Variants in VRK1 observed in about 807,000 individuals in gnomAD.
The protein encoded by VRK1 is VRK serine/threonine kinase 1.
VRK1 carries 33 observed loss-of-function variants against 57.1 expected under a neutral mutation model. That is an observed-to-expected ratio of 0.58 (90% CI 0.44 to 0.77). VRK1 has a LOEUF of 0.77. Ranked by LOEUF, VRK1 falls within the 30% of genes least tolerant of loss-of-function variation. The probability of loss-of-function intolerance (pLI) is 0.00; values close to 1 mark genes in which losing one functional copy is unlikely to be tolerated. For missense variants in VRK1, 413 were observed against 477.3 expected (o/e 0.87, Z 1.25); for synonymous variants, 137 against 147.8 (o/e 0.93, Z 0.53).
intron 12 of VRK1, among the ~76,000 whole-genome samples, chr14:96,878,775 A>G (rs1298671671): frequency 6.6e-6 from 1 of 152,178 alleles, no homozygotes; most frequent in East Asian, 1.9e-4. Flanking sequence ...TTACCAGTTG[A>G]GAAAATTTGG....
intron 10 of VRK1, among the ~76,000 whole-genome samples, chr14:96,857,859 C>T (rs900003308): frequency 2.0e-5 from 3 of 152,134 alleles, no homozygotes; most frequent in Admixed American, 2.0e-4. Context: ...GTAGCCTCTC[C>T]CTCCTGGCCG....
chr14:96,865,697 TCTG>T (rs984443068), intron 11 of VRK1, among the ~76,000 whole-genome samples: 1 of 152,130 alleles, frequency 6.6e-6, no homozygotes, highest in Non-Finnish European at 1.5e-5. Context: ...TTTGTAGTCT[TCTG>T]TGTCTGTAGA....
At chr14:96,872,613 C>T (rs1595689344) in intron 11 of VRK1, among the ~76,000 whole-genome samples, 2 of 152,148 alleles carry the variant, frequency 1.3e-5, no homozygotes, top group Admixed American at 1.3e-4. Flanking sequence ...AAGGAAATTG[C>T]AATAAGAATA....
At chr14:96,856,013 T>C in intron 8 of VRK1, 117 bp from the exon 9 acceptor site, 1 of 1,275,934 alleles carries the variant, frequency 7.8e-7, no homozygotes, top group Non-Finnish European at 1.1e-6. Flanking sequence ...GTCAAAATTT[T>C]ATGATGAAAA....
At chr14:96,848,972 T>G (rs1392295053) in intron 5 of VRK1, among the ~76,000 whole-genome samples, 1 of 152,186 alleles carries the variant, frequency 6.6e-6, no homozygotes, top group African/African-American at 2.4e-5. Flanking sequence ...AGGATAGACT[T>G]TTATTCTACT....
In VRK1 at chr14:96,856,892, C is replaced by T. The variant is rs112385769; in HGVS notation, c.889+306C>T. Reference sequence around the variant, plus strand: ...CTGAGGCAGGAGAATCGCTTGAACCCGGGAGGCGGAGGTTGCAGTGAGCCG... The same window carrying T: ...CTGAGGCAGGAGAATCGCTTGAACCTGGGAGGCGGAGGTTGCAGTGAGCCG... On this transcript the variant is annotated intron_variant, in intron 10 of 12. Transcript: ENST00000216639. 0.083 allele frequency among the ~76,000 whole-genome samples: 12,593 copies of T among 151,988 alleles called. 683 individuals carry two copies. The highest frequency in any genetic ancestry group is 0.13 in the Non-Finnish European group (8,591 of 67,944).
intron 1 of VRK1, among the ~76,000 whole-genome samples, chr14:96,805,105 A>G (rs1885818778): frequency 6.6e-6 from 1 of 152,226 alleles, no homozygotes; most frequent in African/African-American, 2.4e-5. Context: ...TAATGGGATC[A>G]GATTTATTTA....
At chr14:96,846,031 G>A in intron 3 of VRK1, 64 bp from the exon 4 acceptor site, 1 of 1,404,280 alleles carries the variant, frequency 7.1e-7, no homozygotes, top group South Asian at 1.2e-5. Context: ...TTTTTTGAAG[G>A]TTCATTGAAA....
rs1888014801 is a variant in VRK1 at position 96,853,077 on chromosome 14, G to A, written c.487G>A (p.Asp163Asn). The A allele has an allele frequency of 6.2e-7, 1 of 1,613,706 alleles. No individual in the cohort carries two copies. Among genetic ancestry groups the A allele is most frequent in the Non-Finnish European group, 8.5e-7 (1 of 1,179,744 alleles). Residue 163 changes from aspartate to asparagine, a missense_variant, in exon 7 of 13, where the codon GAT becomes AAT. Transcript: ENST00000216639. ...ATTCTGTATGATACTTTCATAGCTG[G>A]ATATTCTGGAATATATTCACGAGCA... ...TVLQLSLRILDILEYIHEHEY... is the reference protein window; with the variant it reads ...TVLQLSLRILNILEYIHEHEY...
chr14:96,869,344 G>A (rs1393326856), intron 11 of VRK1, among the ~76,000 whole-genome samples: 7 of 152,094 alleles, frequency 4.6e-5, no homozygotes. Context: ...GTTTTCATTT[G>A]AATCTGTTTT....
At chr14:96,802,034 T>G (rs1161299918) in intron 1 of VRK1, among the ~76,000 whole-genome samples, 2 of 152,226 alleles carry the variant, frequency 1.3e-5, no homozygotes, top group African/African-American at 4.8e-5. Context: ...AAAAAAGTTT[T>G]AAAATTCATT....
intron 1 of VRK1, among the ~76,000 whole-genome samples, chr14:96,800,689 C>T (rs749976423): frequency 1.3e-5 from 2 of 152,042 alleles, no homozygotes; most frequent in Non-Finnish European, 2.9e-5. Context: ...TCCTATCTCT[C>T]TATGGGTTTC....
chr14:96,843,311 C>T (rs1051124432), intron 3 of VRK1, among the ~76,000 whole-genome samples: 1 of 152,172 alleles, frequency 6.6e-6, no homozygotes, highest in Non-Finnish European at 1.5e-5. Flanking sequence ...GAACTAGAGG[C>T]AGAGGTCAGG....
At chr14:96,822,380 G>C (rs1003631037) in intron 1 of VRK1, among the ~76,000 whole-genome samples, 1 of 151,492 alleles carries the variant, frequency 6.6e-6, no homozygotes. Context: ...GCATGGTAAA[G>C]TTTTTGTATT....
chr14:96,849,546 A>C (rs948716312), intron 5 of VRK1, among the ~76,000 whole-genome samples: 1 of 151,998 alleles, frequency 6.6e-6, no homozygotes, highest in Non-Finnish European at 1.5e-5. Context: ...AGGTGTGGTC[A>C]TGGGCTAGTT....
intron 11 of VRK1, among the ~76,000 whole-genome samples, chr14:96,867,430 T>A (rs925503200): frequency 3.3e-5 from 5 of 151,700 alleles, no homozygotes; most frequent in African/African-American, 1.2e-4. Context: ...CTCTTTGTCC[T>A]GGCATTCTGC....
intron 1 of VRK1, among the ~76,000 whole-genome samples, chr14:96,800,049 G>A (rs1018808508): frequency 6.6e-6 from 1 of 150,834 alleles, no homozygotes; most frequent in Non-Finnish European, 1.5e-5. Flanking sequence ...TTAAAATGTA[G>A]AAAATGTTTA....
At chr14:96,866,345 T>G (rs1350659912) in intron 11 of VRK1, among the ~76,000 whole-genome samples, 1 of 152,200 alleles carries the variant, frequency 6.6e-6, no homozygotes, top group African/African-American at 2.4e-5. Flanking sequence ...CAGTATTTGC[T>G]TCGGTTCTCT....
At chr14:96,834,754 C>G (rs1887148608) in intron 2 of VRK1, among the ~76,000 whole-genome samples, 1 of 152,136 alleles carries the variant, frequency 6.6e-6, no homozygotes, top group Non-Finnish European at 1.5e-5. Flanking sequence ...GAGCCAAACC[C>G]ATTCCAGTGA....
Sources: gnomAD v4.1 joint callset for allele counts (sites outside exome capture counted in the v4.1 genomes callset) on GRCh38, gnomAD v4.1.1 for gene constraint, MANE v1.5 for transcripts, NCBI Gene and HGNC (gene_info 2026-07-23, HGNC 2026-07-21) for gene names.